Variants in CNTN6 observed in about 807,000 individuals in gnomAD.
The protein encoded by CNTN6 is contactin 6.
In CNTN6, 137 loss-of-function variants were observed where a neutral mutation model predicts 122.8. That is an observed-to-expected ratio of 1.12 (90% CI 0.97 to 1.29). CNTN6 has a LOEUF of 1.29. Ranked by LOEUF, CNTN6 falls within the 50% of genes most tolerant of loss-of-function variation. The pLI, the probability that CNTN6 is intolerant of heterozygous loss-of-function variation, is 0.00. For missense variants in CNTN6, 1,634 were observed against 1,223.4 expected (o/e 1.34, Z -5.01); for synonymous variants, 570 against 426.0 (o/e 1.34, Z -4.16).
chr3:1,248,548 G>C (rs1559606799), intron 4 of CNTN6, among the ~76,000 whole-genome samples: 2 of 152,152 alleles, frequency 1.3e-5, no homozygotes, highest in Non-Finnish European at 2.9e-5. Context: ...TCAAGAAATA[G>C]TGAAGTTGGG....
At chr3:1,288,803 G>C (rs905562756) in intron 5 of CNTN6, among the ~76,000 whole-genome samples, 2 of 152,140 alleles carry the variant, frequency 1.3e-5, no homozygotes, top group African/African-American at 4.8e-5. Flanking sequence ...ACAAGATATA[G>C]GGCTGTAAAA....
chr3:1,119,173 A>G (rs903914210), intron 1 of CNTN6, among the ~76,000 whole-genome samples: 4 of 151,736 alleles, frequency 2.6e-5, no homozygotes, highest in African/African-American at 9.7e-5. Flanking sequence ...TGAAACTATT[A>G]GTAACGTAGT....
intron 1 of CNTN6, among the ~76,000 whole-genome samples, chr3:1,129,633 A>G (rs981417396): frequency 6.6e-6 from 1 of 152,098 alleles, no homozygotes; most frequent in East Asian, 1.9e-4. Flanking sequence ...TCTAATATGC[A>G]AAGTGCTATA....
chr3:1,241,750 C>T (rs1352589814), intron 4 of CNTN6, among the ~76,000 whole-genome samples: 3 of 152,138 alleles, frequency 2.0e-5, no homozygotes, highest in Admixed American at 6.5e-5. Flanking sequence ...ATGCAGAGTC[C>T]TCCTTTTTCA....
chr3:1,328,896 G>A (rs1575723916), intron 10 of CNTN6, among the ~76,000 whole-genome samples: 1 of 151,618 alleles, frequency 6.6e-6, no homozygotes, highest in East Asian at 2.0e-4. Flanking sequence ...TTCTGAACTG[G>A]CATTTGTTCA....
At chr3:1,277,553 G>A (rs1336986459) in intron 4 of CNTN6, among the ~76,000 whole-genome samples, 3 of 151,656 alleles carry the variant, frequency 2.0e-5, no homozygotes, top group African/African-American at 4.8e-5. Context: ...TAGAGATGGG[G>A]TTTTGCCATA....
chr3:1,329,163 A>G (rs984083817), intron 10 of CNTN6, among the ~76,000 whole-genome samples: 1 of 151,238 alleles, frequency 6.6e-6, no homozygotes, highest in Non-Finnish European at 1.5e-5. Flanking sequence ...TTATATACAT[A>G]TATAATAAAT....
chr3:1,243,843 C>T (rs902164406), intron 4 of CNTN6, among the ~76,000 whole-genome samples: 68 of 151,586 alleles, frequency 4.5e-4, no homozygotes, highest in African/African-American at 1.5e-3. Flanking sequence ...TTGGGGAGGA[C>T]GGGAAAGGTC....
At chr3:1,401,571 CA>C in intron 21 of CNTN6, 26 bp downstream of exon 21, 1 of 1,491,272 alleles carries the variant, frequency 6.7e-7, no homozygotes, top group Non-Finnish European at 9.3e-7. Flanking sequence ...TTCCTTTAAT[CA>C]TATCAATTAA....
At chr3:1,360,642 C>G (rs1378079918) in intron 12 of CNTN6, among the ~76,000 whole-genome samples, 1 of 151,554 alleles carries the variant, frequency 6.6e-6, no homozygotes, top group Non-Finnish European at 1.5e-5. Context: ...CATTTTATAG[C>G]TGTACCTACC....
chr3:1,169,437 G>A (rs1308041623), intron 2 of CNTN6, among the ~76,000 whole-genome samples: 4 of 152,186 alleles, frequency 2.6e-5, no homozygotes, highest in African/African-American at 9.7e-5. Flanking sequence ...CTTGTGAGAT[G>A]ATCCAGAGTT....
At chr3:1,156,481 GACTCGTT>G (rs2092964441) in intron 2 of CNTN6, among the ~76,000 whole-genome samples, 1 of 152,084 alleles carries the variant, frequency 6.6e-6, no homozygotes, top group African/African-American at 2.4e-5. Flanking sequence ...TCAAATATTT[GACTCGTT>G]ATACCTCATA....
At chr3:1,226,893 T>C (rs2094291327) in intron 3 of CNTN6, among the ~76,000 whole-genome samples, 1 of 152,188 alleles carries the variant, frequency 6.6e-6, no homozygotes, top group African/African-American at 2.4e-5. Flanking sequence ...AGTGTTTATT[T>C]TAAAAAATGG....
intron 2 of CNTN6, among the ~76,000 whole-genome samples, chr3:1,160,350 A>G (rs111307951): frequency 1.3e-4 from 12 of 93,030 alleles, no homozygotes; most frequent in African/African-American, 6.0e-4. Context: ...TACTGTATAT[A>G]TATATATATA....
At chr3:1,244,145 G>GA (rs1484857058) in intron 4 of CNTN6, among the ~76,000 whole-genome samples, 3 of 152,156 alleles carry the variant, frequency 2.0e-5, no homozygotes, top group Admixed American at 2.0e-4. Flanking sequence ...TGTTGCAGAA[G>GA]AAAATAAGGT....
At chr3:1,298,259 G>A in intron 7 of CNTN6, 2 of 317,858 alleles carry the variant, frequency 6.3e-6, no homozygotes, top group Non-Finnish European at 5.8e-6. Flanking sequence ...ACCCATTTAG[G>A]CAGCACATTG....
intron 1 of CNTN6, among the ~76,000 whole-genome samples, chr3:1,098,809 T>TCCCC (rs2090693649): frequency 7.3e-6 from 1 of 136,254 alleles, no homozygotes; most frequent in South Asian, 2.2e-4. Flanking sequence ...TATATATATA[T>TCCCC]ATATATATAG....
intron 5 of CNTN6, among the ~76,000 whole-genome samples, chr3:1,283,606 C>T (rs770448183): frequency 2.6e-5 from 4 of 152,120 alleles, no homozygotes; most frequent in South Asian, 2.1e-4. Context: ...AATGAAGCAA[C>T]GATACATGTT....
intron 20 of CNTN6, among the ~76,000 whole-genome samples, chr3:1,390,286 T>C (rs1213805521): frequency 6.6e-6 from 1 of 152,014 alleles, no homozygotes; most frequent in Non-Finnish European, 1.5e-5. Context: ...ACATGGAAAC[T>C]GAACAACCTG....
Sources: allele counts gnomAD v4.1 joint callset (sites outside exome capture counted in the v4.1 genomes callset), GRCh38; gene constraint gnomAD v4.1.1; transcripts MANE v1.5; gene names NCBI Gene and HGNC (gene_info 2026-07-23, HGNC 2026-07-21).